Variants in CD109 observed in about 807,000 individuals in gnomAD.
CD109 encodes the protein CD109 molecule, also known as CD109 antigen.
In CD109, 149 loss-of-function variants were observed where a neutral mutation model predicts 165.8. The ratio of observed to expected loss-of-function variants is 0.90; its 90% CI spans 0.79 to 1.03. The LOEUF (loss-of-function observed/expected upper bound fraction) is 1.03, where lower values mean the gene tolerates loss of function less well. CD109 is among the 50% of genes least tolerant of loss of function. CD109 has a pLI of 0.00. For missense variants in CD109, 1,712 were observed against 1,677.8 expected, an observed-to-expected ratio of 1.02 and a Z score of -0.36; for synonymous variants, 585 against 592.1, an observed-to-expected ratio of 0.99 and a Z score of 0.18.
intron 30 of CD109, among the ~76,000 whole-genome samples, chr6:73,817,829 C>T (rs1775990442): frequency 6.6e-6 from 1 of 152,000 alleles, no homozygotes; most frequent in African/African-American, 2.4e-5. Context: ...TCACGGTGGC[C>T]AAAGAAAACA....
intron 2 of CD109, among the ~76,000 whole-genome samples, chr6:73,706,475 T>C (rs1771270651): frequency 1.3e-5 from 2 of 152,308 alleles, no homozygotes; most frequent in Admixed American, 6.5e-5. Flanking sequence ...ATTACTGCCA[T>C]GGTTGTCAGT....
the CD109 span, among the ~76,000 whole-genome samples, chr6:73,681,105 G>A: frequency 2.6e-5 from 4 of 152,136 alleles, no homozygotes; most frequent in Admixed American, 6.6e-5. Flanking sequence ...CAAGTTGGTA[G>A]TTACATAGAA....
intron 30 of CD109, among the ~76,000 whole-genome samples, chr6:73,817,500 T>A (rs980040732): frequency 6.6e-6 from 1 of 152,206 alleles, no homozygotes; most frequent in Admixed American, 6.5e-5. Flanking sequence ...TCAGTCATGT[T>A]TGGCAGGCAT....
chr6:73,702,107 T>C (rs891964280), intron 2 of CD109, among the ~76,000 whole-genome samples: 4 of 152,200 alleles, frequency 2.6e-5, no homozygotes, highest in Non-Finnish European at 4.4e-5. Flanking sequence ...ATGTGCTCTA[T>C]AAATGTGTCT....
Position 73,783,889 on chromosome 6 carries a change from T to C in CD109, c.2223+65T>C, listed in dbSNP as rs921021161. 135 of 846,810 alleles carry C rather than the reference T, an allele frequency of 1.6e-4. No homozygotes were observed. In the African/African-American group the frequency reaches 2.3e-3, roughly 14 times the overall value. The allele number at this position is 846,810 out of a possible 1,614,324, so 52.5% of individuals were successfully genotyped here. ...ATTAAGCTAATACAGCGTCAGCTCC[T>C]CAATTTTTTTTTTAAATGACTGCTT... On this transcript the variant is annotated intron_variant, in intron 19 of 32. Coordinates refer to ENST00000287097, the MANE Select transcript of CD109 (RefSeq NM_133493.5).
rs1776228923 is a variant in CD109 at position 73,825,045 on chromosome 6, A to G, written c.*1412A>G. ...TTTAAAAATAAATCCATCAAAAATA[A>G]AGTATGCAAATGTATCTTTTAAAGT... On this transcript the variant is annotated 3_prime_UTR_variant, in exon 33 of 33. Transcript: ENST00000287097. 6.6e-6 allele frequency: 1 copy of G among 152,064 alleles called. No homozygotes were observed. The highest frequency in any genetic ancestry group is 2.1e-4 in the South Asian group (1 of 4,832). The allele number at this position is 152,064 out of a possible 1,614,324, so 9.4% of individuals were successfully genotyped here.
intron 17 of CD109, among the ~76,000 whole-genome samples, chr6:73,782,356 T>C (rs914557099): frequency 1.3e-5 from 2 of 152,224 alleles, no homozygotes; most frequent in African/African-American, 4.8e-5. Context: ...TTACCCATCT[T>C]TGTTCTTTTT....
At chr6:73,700,116 CTG>C (rs1324033826) in intron 2 of CD109, among the ~76,000 whole-genome samples, 1 of 152,192 alleles carries the variant, frequency 6.6e-6, no homozygotes, top group Non-Finnish European at 1.5e-5. Context: ...GAGTCTCACT[CTG>C]TTGCCCAGGC....
the CD109 span, among the ~76,000 whole-genome samples, chr6:73,690,512 C>T: frequency 6.6e-6 from 1 of 152,140 alleles, no homozygotes; most frequent in African/African-American, 2.4e-5. Flanking sequence ...AGAGATTCTC[C>T]TGCCTCAGCC....
chr6:73,723,548 A>T (rs1772034894), intron 3 of CD109, among the ~76,000 whole-genome samples: 1 of 152,202 alleles, frequency 6.6e-6, no homozygotes, highest in Non-Finnish European at 1.5e-5. Context: ...TAGCACAGAA[A>T]TCTGGACTGG....
At chr6:73,726,103 T>C (rs911902980) in intron 3 of CD109, among the ~76,000 whole-genome samples, 3 of 151,930 alleles carry the variant, frequency 2.0e-5, no homozygotes, top group Non-Finnish European at 4.4e-5. Context: ...AGTGAGAACA[T>C]ACCTGTGAAT....
chr6:73,748,765 A>G (rs1773076625), intron 5 of CD109, among the ~76,000 whole-genome samples: 1 of 152,192 alleles, frequency 6.6e-6, no homozygotes, highest in South Asian at 2.1e-4. Context: ...TGTTGCAACT[A>G]CAGTTTAGAC....
intron 20 of CD109, among the ~76,000 whole-genome samples, chr6:73,786,349 T>C (rs1774691763): frequency 6.6e-6 from 1 of 152,220 alleles, no homozygotes; most frequent in Non-Finnish European, 1.5e-5. Context: ...TGGATGAAAA[T>C]GACATGATAT....
intron 2 of CD109, among the ~76,000 whole-genome samples, chr6:73,712,952 C>T (rs944492917): frequency 3.9e-5 from 6 of 152,108 alleles, no homozygotes; most frequent in African/African-American, 9.7e-5. Flanking sequence ...GACCATTTCC[C>T]GTGTCTGAAT....
At chr6:73,744,844 G>A (rs770992574) in intron 5 of CD109, among the ~76,000 whole-genome samples, 1 of 152,168 alleles carries the variant, frequency 6.6e-6, no homozygotes, top group Admixed American at 6.5e-5. Flanking sequence ...ACTTTAGGAT[G>A]TTGTGTTCAT....
intron 24 of CD109, among the ~76,000 whole-genome samples, chr6:73,804,336 A>G (rs1028728769): frequency 6.6e-6 from 1 of 152,094 alleles, no homozygotes; most frequent in Non-Finnish European, 1.5e-5. Flanking sequence ...GTATTGCTTG[A>G]TGTTCTTTTT....
Position 73,729,520 on chromosome 6 carries a change from TA to T in CD109, c.277-823del, listed in dbSNP as rs1314410836. Among the ~76,000 whole-genome samples the T allele has an allele frequency of 5.1e-3, 762 of 148,844 alleles. 11 individuals are homozygous for T. Among genetic ancestry groups the T allele is most frequent in the African/African-American group, 0.017 (710 of 40,882 alleles). On this transcript the variant is annotated intron_variant, in intron 3 of 32. Coordinates refer to ENST00000287097, the MANE Select transcript of CD109 (RefSeq NM_133493.5). The stretch of plus-strand genomic sequence containing the variant: ...TTATTATTATTATTATTATTATTAT[TA>T]TTATTATTATTATTTTGAGACAAAT...
At chr6:73,802,951 C>T (rs1310326630) in intron 23 of CD109, among the ~76,000 whole-genome samples, 1 of 152,102 alleles carries the variant, frequency 6.6e-6, no homozygotes, top group Non-Finnish European at 1.5e-5. Context: ...CCACCTGCTT[C>T]GGCCTCCCAA....
At chr6:73,794,356 A>G (rs893972598) in intron 23 of CD109, among the ~76,000 whole-genome samples, 2 of 152,180 alleles carry the variant, frequency 1.3e-5, no homozygotes, top group Non-Finnish European at 2.9e-5. Context: ...ATATGATGGA[A>G]AGGACCAGGA....
Sources: allele counts gnomAD v4.1 joint callset (sites outside exome capture counted in the v4.1 genomes callset), GRCh38; gene constraint gnomAD v4.1.1; transcripts MANE v1.5; gene names NCBI Gene and HGNC (gene_info 2026-07-23, HGNC 2026-07-21).